Variants in PTPRD observed in about 807,000 individuals in gnomAD.
The protein encoded by PTPRD is protein tyrosine phosphatase receptor type D, also known as receptor-type tyrosine-protein phosphatase delta.
A neutral mutation model predicts 214.5 loss-of-function variants in PTPRD; 34 were observed. The observed-to-expected ratio is 0.16, with a 90% confidence interval of 0.12 to 0.21. The LOEUF (loss-of-function observed/expected upper bound fraction) is 0.21. Among genes scored for constraint, PTPRD ranks in the 10% least tolerant of loss-of-function variants. The pLI, the probability that PTPRD is intolerant of heterozygous loss-of-function variation, is 1.00. For missense variants in PTPRD, 2,545 were observed against 2,398.7 expected, an observed-to-expected ratio of 1.06 and a Z score of -1.27; for synonymous variants, 1,128 against 845.7, an observed-to-expected ratio of 1.33 and a Z score of -5.79.
intron 11 of PTPRD, among the ~76,000 whole-genome samples, chr9:8,950,695 A>T (rs867458717): frequency 1.9e-4 from 28 of 150,846 alleles, no homozygotes; most frequent in African/African-American, 6.6e-4. Flanking sequence ...AACACTTAGA[A>T]TTATGTTTTT....
In PTPRD at chr9:9,885,255, G is replaced by A. The variant is rs973878819; in HGVS notation, c.-368+53252C>T. 2.0e-4 allele frequency among the ~76,000 whole-genome samples: 31 copies of A among 151,960 alleles called. 1 individual carries two copies. Among genetic ancestry groups the A allele is most frequent in the Non-Finnish European group, 5.9e-5 (4 of 67,988 alleles). Reference sequence around the variant, plus strand: ...TAGAAATTACTAAATTGAGAAGGAAGGGCCCAGAAGAGTCCTTTCAACAAG... The same window carrying A: ...TAGAAATTACTAAATTGAGAAGGAAAGGCCCAGAAGAGTCCTTTCAACAAG... On this transcript the variant is annotated intron_variant, in intron 5 of 45. Coordinates refer to ENST00000381196, the MANE Select transcript of PTPRD (RefSeq NM_002839.4).
rs2060944195 is a variant in PTPRD, at chr9:10,549,905, C to T, written c.-600+62493G>A. On this transcript the variant is annotated intron_variant, in intron 2 of 45. Transcript: ENST00000381196. ...CCCAACCAATGTGTCTTCTATCATTCCTCAAAATTGTTACCCCAACTTTAT... is the reference window on the plus strand; with the variant it reads ...CCCAACCAATGTGTCTTCTATCATTTCTCAAAATTGTTACCCCAACTTTAT... Among the ~76,000 whole-genome samples, 3 of 152,056 alleles carry T rather than the reference C, an allele frequency of 2.0e-5. No homozygotes were observed. The South Asian group carries it at 6.2e-4, about 31-fold the overall frequency.
At chr9:8,532,766 G>C (rs1454328883) in intron 14 of PTPRD, among the ~76,000 whole-genome samples, 2 of 151,980 alleles carry the variant, frequency 1.3e-5, no homozygotes, top group African/African-American at 4.8e-5. Flanking sequence ...CTACATACTT[G>C]TGCTTAGTGA....
At chr9:10,554,685 G>C (rs1039636324) in intron 2 of PTPRD, among the ~76,000 whole-genome samples, 4 of 151,364 alleles carry the variant, frequency 2.6e-5, no homozygotes, top group African/African-American at 9.7e-5. Context: ...TTTCAAGATG[G>C]AGTCTCGCTT....
intron 2 of PTPRD, among the ~76,000 whole-genome samples, chr9:10,371,158 G>C (rs185553571): frequency 9.9e-5 from 15 of 151,586 alleles, no homozygotes; most frequent in Non-Finnish European, 1.3e-4. Context: ...ATAGGCTTAT[G>C]CTCTTATTGT....
chr9:10,082,417 G>A (rs188622762), intron 3 of PTPRD, among the ~76,000 whole-genome samples: 13 of 152,094 alleles, frequency 8.5e-5, no homozygotes, highest in Admixed American at 3.9e-4. Context: ...TTGACAAGGC[G>A]TGTGCACTGA....
chr9:8,821,830 A>G (rs1281820714), intron 11 of PTPRD, among the ~76,000 whole-genome samples: 1 of 151,846 alleles, frequency 6.6e-6, no homozygotes, highest in Non-Finnish European at 1.5e-5. Context: ...ATGCCCCACT[A>G]ATTTTTGTAT....
chr9:9,765,171 CA>C (rs1156937574), intron 6 of PTPRD, among the ~76,000 whole-genome samples: 4 of 151,048 alleles, frequency 2.6e-5, no homozygotes, highest in Non-Finnish European at 4.4e-5. Context: ...AAAAGAGTGG[CA>C]AAAAAAATAT....
intron 5 of PTPRD, among the ~76,000 whole-genome samples, chr9:9,914,784 T>C (rs1450843500): frequency 6.6e-6 from 1 of 152,168 alleles, no homozygotes; most frequent in African/African-American, 2.4e-5. Context: ...ATCTCAGGCC[T>C]GAGAAGTAGC....
intron 2 of PTPRD, among the ~76,000 whole-genome samples, chr9:10,423,565 G>T (rs1390284005): frequency 6.6e-6 from 1 of 151,844 alleles, no homozygotes; most frequent in East Asian, 1.9e-4. Flanking sequence ...CATTTTATTA[G>T]ATTTCTCCGA....
Position 10,375,094 on chromosome 9 carries a change from T to C in PTPRD, c.-599-34077A>G, listed in dbSNP as rs113542805. Among the ~76,000 whole-genome samples the C allele has an allele frequency of 6.1e-3, 930 of 152,136 alleles. 7 individuals carry two copies. Among genetic ancestry groups the C allele is most frequent in the African/African-American group, 0.021 (887 of 41,546 alleles). Reference sequence around the variant, plus strand: ...TCTTTATGTAAATTGGCTGGATCAATAAGCAAGGTTCAAAGAATCTGAAAA... The same window carrying C: ...TCTTTATGTAAATTGGCTGGATCAACAAGCAAGGTTCAAAGAATCTGAAAA... On this transcript the variant is annotated intron_variant, in intron 2 of 45. Transcript: ENST00000381196.
chr9:10,013,982 GTTCT>G (rs1190415260), intron 4 of PTPRD, among the ~76,000 whole-genome samples: 1 of 151,778 alleles, frequency 6.6e-6, no homozygotes, highest in Non-Finnish European at 1.5e-5. Context: ...CTAAACATGT[GTTCT>G]TTATTTTATT....
At chr9:8,748,961 C>T (rs2093215193) in intron 11 of PTPRD, among the ~76,000 whole-genome samples, 1 of 152,044 alleles carries the variant, frequency 6.6e-6, no homozygotes, top group African/African-American at 2.4e-5. Context: ...TTGGTCCATA[C>T]ACTCCATCAC....
intron 2 of PTPRD, among the ~76,000 whole-genome samples, chr9:10,373,024 G>A (rs1189560842): frequency 6.6e-6 from 1 of 151,084 alleles, no homozygotes; most frequent in African/African-American, 2.4e-5. Flanking sequence ...GTAGAGACAG[G>A]GTTTCACCAT....
intron 10 of PTPRD, among the ~76,000 whole-genome samples, chr9:9,173,930 T>A (rs1329176643): frequency 6.6e-6 from 1 of 152,204 alleles, no homozygotes; most frequent in South Asian, 2.1e-4. Context: ...CATGCTCTTA[T>A]GTTAGCCTAT....
At chr9:9,432,101 G>C (rs2083429586) in intron 8 of PTPRD, among the ~76,000 whole-genome samples, 1 of 149,130 alleles carries the variant, frequency 6.7e-6, no homozygotes, top group African/African-American at 2.5e-5. Flanking sequence ...AAGAAACACT[G>C]AAACAAAGAA....
At chr9:9,973,196 C>G (rs968256407) in intron 4 of PTPRD, among the ~76,000 whole-genome samples, 2 of 151,626 alleles carry the variant, frequency 1.3e-5, no homozygotes, top group Non-Finnish European at 2.9e-5. Context: ...GGCGCAGTGG[C>G]TCATGCCTGT....
intron 9 of PTPRD, among the ~76,000 whole-genome samples, chr9:9,369,000 G>A (rs2058665628): frequency 6.6e-6 from 1 of 152,000 alleles, no homozygotes; most frequent in Non-Finnish European, 1.5e-5. Flanking sequence ...CTATGAGTGA[G>A]AACATGCGGT....
intron 8 of PTPRD, among the ~76,000 whole-genome samples, chr9:9,403,657 G>C (rs1330207713): frequency 2.0e-5 from 3 of 152,038 alleles, no homozygotes; most frequent in African/African-American, 4.8e-5. Context: ...GGGATAAAAT[G>C]AGTAAGATAA....
Sources: allele counts gnomAD v4.1 joint callset (sites outside exome capture counted in the v4.1 genomes callset), GRCh38; gene constraint gnomAD v4.1.1; transcripts MANE v1.5; gene names NCBI Gene and HGNC (gene_info 2026-07-23, HGNC 2026-07-21).